NOP14: variants seen among roughly 807,000 people sequenced by gnomAD.
NOP14 encodes the protein NOP14 nucleolar protein, also known as nucleolar protein 14.
Under a neutral mutation model 101.6 loss-of-function variants are expected in NOP14, and 57 were observed. That is an observed-to-expected ratio of 0.56 (90% confidence interval 0.45 to 0.70). NOP14 has a LOEUF of 0.70. Among genes scored for constraint, NOP14 ranks in the 30% least tolerant of loss-of-function variants. The pLI is 0.00. For missense variants in NOP14, 1,134 were observed against 1,075.5 expected (o/e 1.05, Z -0.76); for synonymous variants, 428 against 424.0 (o/e 1.01, Z -0.12).
At chr4:2,950,924 T>G in intron 7 of NOP14, 190 bp downstream of exon 7, 1 of 550,710 alleles carries the variant, frequency 1.8e-6, no homozygotes. Context: ...GTGCACATAC[T>G]ATTGTTAAAG....
chr4:2,960,980 ATATTATAT>A (rs1715789592), intron 1 of NOP14, among the ~76,000 whole-genome samples: 1 of 40,430 alleles, frequency 2.5e-5, no homozygotes, highest in Non-Finnish European at 4.4e-5. Context: ...TATTATATTA[ATATTATAT>A]CGATATTATT....
chr4:2,963,348 C>G lies in NOP14; in HGVS notation c.-29G>C, dbSNP rs371278587. ...GCGCGCCCCGCTGCGCCCAAGGGCCCGAGACCCGAAGAGAGACAGGCGCGC... is the reference window on the plus strand; with the variant it reads ...GCGCGCCCCGCTGCGCCCAAGGGCCGGAGACCCGAAGAGAGACAGGCGCGC... On this transcript the variant is annotated 5_prime_UTR_variant, in exon 1 of 18. Coordinates refer to ENST00000416614, the MANE Select transcript of NOP14 (RefSeq NM_001291978.2). 65 of 1,532,188 alleles carry G rather than the reference C, an allele frequency of 4.2e-5. No individual in the cohort carries two copies. The East Asian group carries it at 6.3e-4, about 15-fold the overall frequency. 94.9% of individuals were successfully genotyped at this position (1,532,188 alleles called of 1,614,324 possible).
intron 1 of NOP14, among the ~76,000 whole-genome samples, chr4:2,959,249 G>C (rs989253674): frequency 3.9e-5 from 6 of 152,172 alleles, no homozygotes; most frequent in African/African-American, 9.7e-5. Flanking sequence ...TTAATCCCTA[G>C]TAACTTCTAG....
rs1254712576 is a variant in NOP14 at position 2,963,250 on chromosome 4, G to T, written c.70C>A (p.Pro24Thr). 3 of 1,590,712 alleles carry T rather than the reference G, an allele frequency of 1.9e-6. No homozygotes were observed. Among genetic ancestry groups the T allele is most frequent in the Non-Finnish European group, 2.6e-6 (3 of 1,171,154 alleles). ...SGAPAGARGG[P>T]AKANSNPFEV... ...AACGGATTGGAGTTGGCCTTCGCCG[G>T]GCCCCCTCGCGCTCCCGCCGGCGCC... Residue 24 changes from proline to threonine, a missense_variant, in exon 1 of 18, where the codon CCG (proline) becomes ACG (threonine). By Grantham distance (38) the Pro-to-Thr change is conservative. Coordinates refer to ENST00000416614, the MANE Select transcript of NOP14 (RefSeq NM_001291978.2).
chr4:2,960,805 T>C lies in NOP14; in HGVS notation c.195+2320A>G, dbSNP rs1037496248. Among the ~76,000 whole-genome samples, 286 of 106,196 alleles carry C rather than the reference T, an allele frequency of 2.7e-3. 11 individuals are homozygous for C. The highest frequency in any genetic ancestry group is 0.012 in the South Asian group (49 of 4,196). The allele number at this position is 106,196 out of a possible 152,430, so 69.7% of individuals were successfully genotyped here. On this transcript the variant is annotated intron_variant, in intron 1 of 17. Coordinates refer to ENST00000416614, the MANE Select transcript of NOP14 (RefSeq NM_001291978.2). ...TTATAATCACATTAATATTAATATA[T>C]TAATATTATAATCACATTATCAATA...
In NOP14 at chr4:2,939,622, G is replaced by C. The variant is rs144585490; in HGVS notation, c.2223C>G (p.Thr741=). 1.2e-6 allele frequency: 2 copies of C among 1,613,712 alleles called. No homozygotes were observed. The highest frequency in any genetic ancestry group is 2.2e-5 in the East Asian group (1 of 44,886). The part of the protein sequence containing the change: ...ELQELCQSTL[T]EMESQKQLCR... The stretch of plus-strand genomic sequence containing the variant: ...AGAGCTGCTTCTGGCTTTCCATTTC[G>C]GTCAGTGTGCTCTGACACAGCTCCT... The change falls in exon 16 of 18, where the codon ACC becomes ACG. Residue 741 remains threonine (T), a synonymous_variant. Coordinates refer to ENST00000416614, the MANE Select transcript of NOP14 (RefSeq NM_001291978.2).
In NOP14 at chr4:2,948,272, A is replaced by G. The variant is rs1304628573; in HGVS notation, c.1413+6T>C. On this transcript the variant is annotated splice_donor_region_variant and intron_variant, in intron 9 of 17. Transcript: ENST00000416614. ...CCAGCGCTCCACACACACTCAATCC[A>G]CGTACTTCTAATTTTGCTTTGTTTC... The G allele has an allele frequency of 6.3e-7, 1 of 1,596,970 alleles. No homozygotes were observed. Among genetic ancestry groups the G allele is most frequent in the African/African-American group, 1.4e-5 (1 of 73,348 alleles).
intron 12 of NOP14, 147 bp from the exon 13 acceptor site, chr4:2,944,373 C>A: frequency 1.9e-6 from 1 of 527,002 alleles, no homozygotes; most frequent in East Asian, 3.2e-5. Context: ...GTGTCGAGAG[C>A]ATCAAATGAG....
chr4:2,956,042 T>C lies in NOP14; in HGVS notation c.472+628A>G, dbSNP rs534756222. 3.3e-5 allele frequency among the ~76,000 whole-genome samples: 5 copies of C among 152,370 alleles called. No individual in the cohort carries two copies. In the East Asian group the frequency reaches 5.8e-4, roughly 18 times the overall value. ...TTAACTTACAAGAAATGTCAAGTAA[T>C]TGATGTCATGACTGCAACCTTATAA... On this transcript the variant is annotated intron_variant, in intron 3 of 17. Transcript: ENST00000416614.
Position 2,959,163 on chromosome 4 carries a change from T to C in NOP14, c.196-1423A>G, listed in dbSNP as rs372421245. ...AACCATCCATTAGTTCAATAAATAC[T>C]GCCAAGGCAATTTTCGTCATTTTCT... On this transcript the variant is annotated intron_variant, in intron 1 of 17. Transcript: ENST00000416614. Among the ~76,000 whole-genome samples the C allele has an allele frequency of 2.6e-4, 40 of 152,378 alleles. No homozygotes were observed. In the South Asian group the frequency reaches 7.9e-3, roughly 30 times the overall value.
At chr4:2,942,468 G>A in intron 13 of NOP14, 117 bp from the exon 14 acceptor site, 4 of 1,078,888 alleles carry the variant, frequency 3.7e-6, no homozygotes, top group Non-Finnish European at 5.4e-6. Flanking sequence ...CGATTTTTAT[G>A]TTTCTGGGTT....
rs553568597 is a variant in NOP14, at chr4:2,948,540, C to T, written c.1283-132G>A. The T allele has an allele frequency of 2.6e-4, 162 of 622,684 alleles. 1 individual carries two copies. The African/African-American group carries it at 2.8e-3, about 11-fold the overall frequency. 38.6% of individuals were successfully genotyped at this position (622,684 alleles called of 1,614,324 possible). Reference sequence around the variant, plus strand: ...TGCAATCTCAGCTCACTGAAACTTCCGCCTCCTGGGTTCAAGAGATTCTCC... The same window carrying T: ...TGCAATCTCAGCTCACTGAAACTTCTGCCTCCTGGGTTCAAGAGATTCTCC... On this transcript the variant is annotated intron_variant, in intron 8 of 17. Coordinates refer to ENST00000416614, the MANE Select transcript of NOP14 (RefSeq NM_001291978.2).
chr4:2,938,973 T>G (rs755142815), intron 17 of NOP14, 43 bp from the exon 18 acceptor site: 2 of 1,573,186 alleles, frequency 1.3e-6, no homozygotes, highest in South Asian at 2.2e-5. Context: ...GGATTAGTTC[T>G]TGGAGAGCAT....
rs1330664008 is a variant in NOP14, at chr4:2,950,079, G to A, written c.1137C>T (p.His379=). The change falls in exon 8 of 18, where the codon CAC becomes CAT. Residue 379 remains histidine, a synonymous_variant. Coordinates refer to ENST00000416614, the MANE Select transcript of NOP14 (RefSeq NM_001291978.2). Reference sequence around the variant, plus strand: ...TCTCCACGTTGGATTCCAGGTCCAAGTGGCTATCTGGGCTGTCGCTCTCCT... The same window carrying A: ...TCTCCACGTTGGATTCCAGGTCCAAATGGCTATCTGGGCTGTCGCTCTCCT... ...DTEESDSPDS[H]LDLESNVESE... is the part of the protein sequence containing the mutation. 1 of 1,614,110 alleles carries A rather than the reference G, an allele frequency of 6.2e-7. No homozygotes were observed. The highest frequency in any genetic ancestry group is 8.5e-7 in the Non-Finnish European group (1 of 1,179,996).
chr4:2,957,506 T>A (rs920078422), intron 2 of NOP14, 100 bp downstream of exon 2: 15 of 1,418,628 alleles, frequency 1.1e-5, no homozygotes, highest in Non-Finnish European at 1.5e-5. Flanking sequence ...ACCTTCCGAG[T>A]GCCCAGGAAC....
chr4:2,947,882 G>A (rs1714761401), intron 9 of NOP14, among the ~76,000 whole-genome samples: 1 of 152,240 alleles, frequency 6.6e-6, no homozygotes, highest in Non-Finnish European at 1.5e-5. Context: ...GCACGACGAG[G>A]AACACGGGCA....
In NOP14 at chr4:2,944,146, CT is replaced by C; in HGVS notation, c.1817del (p.Gln606ArgfsTer17). 1 of 1,614,116 alleles carries C rather than the reference CT, an allele frequency of 6.2e-7. No homozygotes were observed. The highest frequency in any genetic ancestry group is 8.5e-7 in the Non-Finnish European group (1 of 1,179,964). ...CLFLEYVALS[Q>X]RFIPELINFL... ...AATTAATAAGCTCAGGTATAAACCT[CT>C]GGGACAAAGCCACATACTCCAGGAA... On this transcript the variant is annotated frameshift_variant, in exon 13 of 18. Coordinates refer to ENST00000416614, the MANE Select transcript of NOP14 (RefSeq NM_001291978.2). LOFTEE classifies it high-confidence loss of function.
intron 12 of NOP14, among the ~76,000 whole-genome samples, chr4:2,944,867 C>T (rs896608164): frequency 5.3e-5 from 8 of 152,280 alleles, no homozygotes; most frequent in African/African-American, 1.9e-4. Flanking sequence ...GATAACTTCA[C>T]CACTAACTTG....
rs1181761911 is a variant in NOP14, at chr4:2,950,104, T to C, written c.1112A>G (p.Glu371Gly). 2 of 1,614,128 alleles carry C rather than the reference T, an allele frequency of 1.2e-6. No individual in the cohort carries two copies. Among genetic ancestry groups the C allele is most frequent in the Non-Finnish European group, 1.7e-6 (2 of 1,179,988 alleles). Residue 371 changes from glutamate to glycine, a missense_variant, in exon 8 of 18, where the codon GAG becomes GGG. Physicochemically the swap from Glu to Gly is moderately conservative, Grantham distance 98. Transcript: ENST00000416614. ...EGDSSGGEDT[E>G]ESDSPDSHLD... is the part of the protein sequence containing the mutation. ...GTGGCTATCTGGGCTGTCGCTCTCC[T>C]CTGTGTCCTCCCCGCCTGAACTGTC...
Sources: gnomAD v4.1 joint callset for allele counts (sites outside exome capture counted in the v4.1 genomes callset) on GRCh38, gnomAD v4.1.1 for gene constraint, MANE v1.5 for transcripts, NCBI Gene and HGNC (gene_info 2026-07-23, HGNC 2026-07-21) for gene names.